Variants in TRMT11 observed in about 807,000 individuals in gnomAD.
TRMT11 encodes tRNA methyltransferase 11, also known as tRNA (guanine(10)-N(2))-methyltransferase TRMT11.
A neutral mutation model predicts 62.8 loss-of-function variants in TRMT11; 53 were observed. The observed-to-expected ratio is 0.84, with a 90% CI of 0.68 to 1.06. The LOEUF (loss-of-function observed/expected upper bound fraction) is 1.06. TRMT11 is among the 50% of genes least tolerant of loss of function. The pLI is 0.00. For synonymous variants in TRMT11, 188 were observed against 190.3 expected (o/e 0.99, Z 0.10); for missense variants, 556 against 553.4 (o/e 1.00, Z -0.05).
chr6:126,059,676 T>C (rs140462778), intron 17 of TRMT11, among the ~76,000 whole-genome samples: 48 of 152,338 alleles, frequency 3.2e-4, no homozygotes, highest in African/African-American at 1.1e-3. Context: ...CTTAAGCAAC[T>C]TGAGGTGTTT....
At chr6:126,082,323 G>A (rs1583869926) in intron 17 of TRMT11, among the ~76,000 whole-genome samples, 1 of 151,794 alleles carries the variant, frequency 6.6e-6, no homozygotes. Context: ...GTAATATACT[G>A]TATTATATTA....
At chr6:126,087,133 C>T (rs750668033) in intron 17 of TRMT11, among the ~76,000 whole-genome samples, 3 of 152,096 alleles carry the variant, frequency 2.0e-5, no homozygotes, top group Non-Finnish European at 4.4e-5. Context: ...AATAGTTTAC[C>T]AATTATAAAC....
At chr6:126,112,415 G>C (rs530925254) in intron 17 of TRMT11, among the ~76,000 whole-genome samples, 6 of 152,030 alleles carry the variant, frequency 3.9e-5, no homozygotes, top group Non-Finnish European at 7.4e-5. Flanking sequence ...TTTTTTGAAG[G>C]GTTTTCTATT....
intron 20 of TRMT11, among the ~76,000 whole-genome samples, chr6:126,115,519 G>A (rs1174095195): frequency 6.6e-6 from 1 of 152,034 alleles, no homozygotes; most frequent in East Asian, 1.9e-4. Context: ...CTCAAAATAT[G>A]TTCATTTCTT....
Position 125,995,987 on chromosome 6 carries a change from C to A in TRMT11, c.159C>A (p.Ser53Arg), listed in dbSNP as rs746415095. The A allele has an allele frequency of 1.9e-5, 31 of 1,610,986 alleles. No homozygotes were observed. In the East Asian group the frequency reaches 3.6e-4, roughly 19 times the overall value. Residue 53 changes from serine to arginine, a missense_variant, in exon 3 of 13, where the codon AGC (serine) becomes AGA (arginine). Coordinates refer to ENST00000334379, the MANE Select transcript of TRMT11 (RefSeq NM_001031712.3). ...TYGKSPFWILSIPSEDIARNL... is the reference protein window; with the variant it reads ...TYGKSPFWILRIPSEDIARNL... ...TTTAGTCACCATTTTGGATTCTTAGCATTCCCTCTGAAGATATTGCAAGAA... is the reference window on the plus strand; with the variant it reads ...TTTAGTCACCATTTTGGATTCTTAGAATTCCCTCTGAAGATATTGCAAGAA...
intron 21 of TRMT11, among the ~76,000 whole-genome samples, chr6:126,143,238 G>A (rs1045674337): frequency 6.6e-6 from 1 of 151,990 alleles, no homozygotes; most frequent in African/African-American, 2.4e-5. Context: ...ATAATTGTGG[G>A]TCACTGAAAG....
At chr6:126,051,649 G>A (rs1776221616) in intron 16 of TRMT11, among the ~76,000 whole-genome samples, 1 of 152,148 alleles carries the variant, frequency 6.6e-6, no homozygotes, top group Admixed American at 6.5e-5. Context: ...TAGAAGGTGA[G>A]TGAGCAGGCA....
chr6:126,116,429 A>G (rs1170707880), intron 21 of TRMT11, among the ~76,000 whole-genome samples: 4 of 152,116 alleles, frequency 2.6e-5, no homozygotes, highest in African/African-American at 9.7e-5. Flanking sequence ...AGTAATCCAT[A>G]GTGGCATTTA....
intron 17 of TRMT11, among the ~76,000 whole-genome samples, chr6:126,059,913 G>T (rs972828723): frequency 6.6e-6 from 1 of 152,138 alleles, no homozygotes; most frequent in Non-Finnish European, 1.5e-5. Flanking sequence ...GCATTCATTG[G>T]CATGGAACTG....
chr6:126,110,487 CCT>C (rs1293888199), intron 17 of TRMT11, among the ~76,000 whole-genome samples: 1 of 151,916 alleles, frequency 6.6e-6, no homozygotes, highest in Admixed American at 6.6e-5. Context: ...CCATTCTTAC[CCT>C]CTGTTATTCT....
In TRMT11 at chr6:126,166,965, C is replaced by A. The variant is rs561747327; in HGVS notation, c.*1824-7860C>A. Among the ~76,000 whole-genome samples, 11 of 152,308 alleles carry A rather than the reference C, an allele frequency of 7.2e-5. No homozygotes were observed. The East Asian group carries it at 1.4e-3, about 19-fold the overall frequency. ...CAATAATGACCAGTGTCCCACCCCC[C>A]ACCAAGCTCAAGTGTCCCAGGTTGA... On this transcript the variant is annotated intron_variant and NMD_transcript_variant, in intron 21 of 22. Coordinates refer to the TRMT11 transcript ENST00000648977.
intron 12 of TRMT11, among the ~76,000 whole-genome samples, chr6:126,026,977 T>C (rs1015936063): frequency 4.0e-5 from 6 of 151,336 alleles, no homozygotes; most frequent in Non-Finnish European, 8.8e-5. Flanking sequence ...TAATTTCGTT[T>C]TTGTATTTTT....
intron 21 of TRMT11, among the ~76,000 whole-genome samples, chr6:126,137,582 T>A (rs981092916): frequency 8.6e-5 from 13 of 151,742 alleles, no homozygotes; most frequent in African/African-American, 3.1e-4. Context: ...AAAACAAAGA[T>A]AGTACTACTA....
In TRMT11 at chr6:126,003,607, TAA is replaced by T. The variant is rs770355194; in HGVS notation, c.679+3995_679+3996del. 2.0e-5 allele frequency among the ~76,000 whole-genome samples: 3 copies of T among 152,130 alleles called. No individual in the cohort carries two copies. In the South Asian group the frequency reaches 6.2e-4, roughly 31 times the overall value. ...GAAAAATGATATCTCAATGTAGTGTTAATTTGTATGTCTATGGTTACGAATGA... is the reference window on the plus strand; with the variant it reads ...GAAAAATGATATCTCAATGTAGTGTTTTTGTATGTCTATGGTTACGAATGA... On this transcript the variant is annotated intron_variant, in intron 7 of 12. Coordinates refer to ENST00000334379, the MANE Select transcript of TRMT11 (RefSeq NM_001031712.3).
chr6:126,197,732 A>G (rs1778683027), intron 1 of TRMT11, among the ~76,000 whole-genome samples: 1 of 152,206 alleles, frequency 6.6e-6, no homozygotes, highest in African/African-American at 2.4e-5. Flanking sequence ...ATAGGAATGC[A>G]ATAAGGACAC....
chr6:126,258,124 G>A, the TRMT11 span: 1 of 855,120 alleles, frequency 1.2e-6, no homozygotes, highest in Non-Finnish European at 2.0e-6. Context: ...TCGGGGAGTT[G>A]TGTCAGCTGC....
At position 126,049,616 on chromosome 6, in the gene TRMT11, G is replaced by A. The variant is rs529152195; in HGVS notation, c.*1370-3507G>A. 3.9e-5 allele frequency among the ~76,000 whole-genome samples: 6 copies of A among 152,058 alleles called. No homozygotes were observed. In the South Asian group the frequency reaches 1.0e-3, roughly 26 times the overall value. ...ATGCATGGATTTAAATAATGACAAA[G>A]GAATTTATAGTCTGGTTGGGGTGAT... On this transcript the variant is annotated intron_variant and NMD_transcript_variant, in intron 16 of 22. Transcript: ENST00000648977.
At chr6:126,001,317 CTTT>C (rs1792441497) in intron 7 of TRMT11, among the ~76,000 whole-genome samples, 1 of 151,972 alleles carries the variant, frequency 6.6e-6, no homozygotes, top group South Asian at 2.1e-4. Context: ...CAGCCAAAGT[CTTT>C]TTTTCTTTTA....
chr6:126,220,159 CA>C, the TRMT11 span, among the ~76,000 whole-genome samples: 1 of 152,172 alleles, frequency 6.6e-6, no homozygotes, highest in Non-Finnish European at 1.5e-5. Flanking sequence ...CTAGAAGTGA[CA>C]CACTTGGGAA....
Sources: allele counts gnomAD v4.1 joint callset (sites outside exome capture counted in the v4.1 genomes callset), GRCh38; gene constraint gnomAD v4.1.1; transcripts MANE v1.5; gene names NCBI Gene and HGNC (gene_info 2026-07-23, HGNC 2026-07-21).